BEST4: variants seen among roughly 807,000 people sequenced by gnomAD.
BEST4 encodes bestrophin 4, also known as bestrophin-4.
Under a neutral mutation model 47.1 loss-of-function variants are expected in BEST4, and 36 were observed. The ratio of observed to expected loss-of-function variants is 0.76; its 90% CI spans 0.59 to 1.01. The LOEUF is 1.01. Ranked by LOEUF, BEST4 falls within the 50% of genes least tolerant of loss-of-function variation. The probability of loss-of-function intolerance (pLI) is 0.00; values close to 1 mark genes in which losing one functional copy is unlikely to be tolerated. For synonymous variants in BEST4, 250 were observed against 277.8 expected (o/e 0.90, Z 1.00); for missense variants, 550 against 648.6 (o/e 0.85, Z 1.65).
chr1:44,789,130 C>T (rs1257916220), upstream of BEST4, among the ~76,000 whole-genome samples: 1 of 150,904 alleles, frequency 6.6e-6, no homozygotes, highest in Non-Finnish European at 1.5e-5. Flanking sequence ...GTGGCACGAA[C>T]TTGTAATCCC....
chr1:44,786,298 T>G lies in BEST4; in HGVS notation c.482-70A>C. ...CAGGGGAGGCTGCTGTTCCGCCGTC[T>G]GGCTCCCCTCCCTCGCGTCCACCGG... On this transcript the variant is annotated intron_variant, in intron 3 of 8. Coordinates refer to ENST00000372207, the MANE Select transcript of BEST4 (RefSeq NM_153274.3). The surrounding 1 kb of genome is among the most constrained non-coding windows in gnomAD (Gnocchi z 4.9). 4 of 1,521,768 alleles carry G rather than the reference T, an allele frequency of 2.6e-6. No individual in the cohort carries two copies. Among genetic ancestry groups the G allele is most frequent in the Non-Finnish European group, 2.7e-6 (3 of 1,130,460 alleles). 94.3% of individuals were successfully genotyped at this position (1,521,768 alleles called of 1,614,324 possible).
downstream of BEST4, among the ~76,000 whole-genome samples, chr1:44,782,148 T>C (rs1250265196): frequency 1.3e-5 from 2 of 151,294 alleles, no homozygotes; most frequent in Non-Finnish European, 2.9e-5. Context: ...GTTCTTTCTC[T>C]AAAGTCTTGA....
In BEST4 at chr1:44,786,009, A is replaced by C; in HGVS notation, c.636+65T>G. 1 of 1,525,600 alleles carries C rather than the reference A, an allele frequency of 6.6e-7. No individual in the cohort carries two copies. The highest frequency in any genetic ancestry group is 2.3e-5 in the East Asian group (1 of 44,026). 94.5% of individuals were successfully genotyped at this position (1,525,600 alleles called of 1,614,324 possible). A position where few individuals can be genotyped will look rare whatever the true frequency, so the allele number is the denominator to read the frequency against. ...ATGCCATACAACTGTTAGGTATTAA[A>C]ATTATTATTCATCTTTAAAATTAGA... On this transcript the variant is annotated intron_variant, in intron 4 of 8. Coordinates refer to ENST00000372207, the MANE Select transcript of BEST4 (RefSeq NM_153274.3). The surrounding 1 kb of genome is among the most constrained non-coding windows in gnomAD (Gnocchi z 4.9).
intron 5 of BEST4, 108 bp from the exon 6 acceptor site, chr1:44,785,413 T>A: frequency 7.7e-7 from 1 of 1,303,134 alleles, no homozygotes; most frequent in Admixed American, 2.6e-5. Context: ...CAAACATGTA[T>A]CCTGGTGTGG....
rs1651229036 is a variant in BEST4 at position 44,786,294 on chromosome 1, C to T, written c.482-66G>A. 2.0e-6 allele frequency: 3 copies of T among 1,527,724 alleles called. No homozygotes were observed. The highest frequency in any genetic ancestry group is 1.4e-5 in the African/African-American group (1 of 72,416). The allele number at this position is 1,527,724 out of a possible 1,614,324, so 94.6% of individuals were successfully genotyped here. A position where few individuals can be genotyped will look rare whatever the true frequency, so the allele number is the denominator to read the frequency against. ...CCGCCAGGGGAGGCTGCTGTTCCGC[C>T]GTCTGGCTCCCCTCCCTCGCGTCCA... On this transcript the variant is annotated intron_variant, in intron 3 of 8. Transcript: ENST00000372207. The surrounding 1 kb of genome is among the most constrained non-coding windows in gnomAD (Gnocchi z 4.9).
chr1:44,790,450 G>A (rs1195928411), upstream of BEST4, among the ~76,000 whole-genome samples: 1 of 152,030 alleles, frequency 6.6e-6, no homozygotes, highest in Admixed American at 6.6e-5. Flanking sequence ...TCAAGATGTG[G>A]CTCAGAGCAC....
Position 44,784,115 on chromosome 1 carries a change from G to A in BEST4, c.*95C>T, listed in dbSNP as rs1024890318. The A allele has an allele frequency of 3.8e-5, 46 of 1,220,298 alleles. No homozygotes were observed. Among genetic ancestry groups the A allele is most frequent in the Admixed American group, 1.2e-4 (3 of 24,442 alleles). 75.6% of individuals were successfully genotyped at this position (1,220,298 alleles called of 1,614,324 possible). A position where few individuals can be genotyped will look rare whatever the true frequency, so the allele number is the denominator to read the frequency against. On this transcript the variant is annotated 3_prime_UTR_variant, in exon 9 of 9. Transcript: ENST00000372207. This position sits in a 1 kb window ranked among gnomAD's most constrained non-coding sequence, Gnocchi z 6.2. Reference sequence around the variant, plus strand: ...AATGCTCTGGCCTTCAAGGCACACAGGAAAAGCTGCTCTAATAGAGCTGGC... The same window carrying A: ...AATGCTCTGGCCTTCAAGGCACACAAGAAAAGCTGCTCTAATAGAGCTGGC...
At position 44,786,679 on chromosome 1, in the gene BEST4, CGA is replaced by C; in HGVS notation, c.263_264del (p.Leu88ArgfsTer25). ...LSFVLGFYVT[L>X]VVNRWWSQYT... Reference sequence around the variant, plus strand: ...TACTGGGACCACCAGCGGTTCACCACGAGAGTCACATAGAAACCTGCTTGGCC... The same window carrying C: ...TACTGGGACCACCAGCGGTTCACCACGAGTCACATAGAAACCTGCTTGGCC... On this transcript the variant is annotated frameshift_variant, in exon 3 of 9. Coordinates refer to ENST00000372207, the MANE Select transcript of BEST4 (RefSeq NM_153274.3). LOFTEE classifies it high-confidence loss of function. This position sits in a 1 kb window ranked among gnomAD's most constrained non-coding sequence, Gnocchi z 4.9. 5 of 1,551,152 alleles carry C rather than the reference CGA, an allele frequency of 3.2e-6. No individual in the cohort carries two copies. The East Asian group carries it at 9.8e-5, about 30-fold the overall frequency.
upstream of BEST4, among the ~76,000 whole-genome samples, chr1:44,789,622 T>C (rs1054894527): frequency 1.3e-5 from 2 of 151,930 alleles, no homozygotes; most frequent in African/African-American, 4.8e-5. Flanking sequence ...CGCTTGAACC[T>C]GGGAGGTGGA....
rs375394601 is a variant in BEST4, at chr1:44,787,742, G to A, written c.-37C>T. On this transcript the variant is annotated 5_prime_UTR_variant, in exon 1 of 9. Coordinates refer to ENST00000372207, the MANE Select transcript of BEST4 (RefSeq NM_153274.3). ...CCTGGGGCAGGAGGTCACAAGAGTT[G>A]CCCCCAGGGCTGTCGTTTAGTTCTC... The A allele has an allele frequency of 2.5e-6, 4 of 1,611,888 alleles. No individual in the cohort carries two copies. Among genetic ancestry groups the A allele is most frequent in the Non-Finnish European group, 3.4e-6 (4 of 1,179,274 alleles).
chr1:44,786,437 C>T lies in BEST4; in HGVS notation c.481+26G>A. ...CTGCATCCGGCTGTGGGCCGGACCC[C>T]CAGAGGCTCCCGGCGGGCGGCGCAC... On this transcript the variant is annotated intron_variant, in intron 3 of 8. Coordinates refer to ENST00000372207, the MANE Select transcript of BEST4 (RefSeq NM_153274.3). The surrounding 1 kb of genome is among the most constrained non-coding windows in gnomAD (Gnocchi z 4.9). 2 of 1,493,278 alleles carry T rather than the reference C, an allele frequency of 1.3e-6. No individual in the cohort carries two copies. Among genetic ancestry groups the T allele is most frequent in the South Asian group, 2.6e-5 (2 of 77,446 alleles). The allele number at this position is 1,493,278 out of a possible 1,614,324, so 92.5% of individuals were successfully genotyped here. A position where few individuals can be genotyped will look rare whatever the true frequency, so the allele number is the denominator to read the frequency against.
chr1:44,792,018 G>A (rs964183550), upstream of BEST4, among the ~76,000 whole-genome samples: 6 of 152,122 alleles, frequency 3.9e-5, no homozygotes, highest in South Asian at 2.1e-4. Context: ...CGAGGCAGGC[G>A]GATCACCTGA....
Position 44,784,601 on chromosome 1 carries a change from C to G in BEST4, c.1148+28G>C. On this transcript the variant is annotated intron_variant, in intron 8 of 8. Coordinates refer to ENST00000372207, the MANE Select transcript of BEST4 (RefSeq NM_153274.3). This position sits in a 1 kb window ranked among gnomAD's most constrained non-coding sequence, Gnocchi z 6.2. The stretch of plus-strand genomic sequence containing the variant: ...AGAGGCTGAGCGAGGACCCGCGTGC[C>G]GGGTCAGGCCCAGTGCAAGCCACTC... The G allele has an allele frequency of 6.2e-7, 1 of 1,603,134 alleles. No individual in the cohort carries two copies. Among genetic ancestry groups the G allele is most frequent in the Non-Finnish European group, 8.5e-7 (1 of 1,175,700 alleles).
upstream of BEST4, among the ~76,000 whole-genome samples, chr1:44,790,002 C>G (rs768568823): frequency 3.3e-5 from 5 of 152,260 alleles, no homozygotes; most frequent in Non-Finnish European, 5.9e-5. Flanking sequence ...CCTAATCTCT[C>G]TGAACCTCAG....
downstream of BEST4, among the ~76,000 whole-genome samples, chr1:44,783,075 C>T (rs922328307): frequency 6.6e-6 from 1 of 152,086 alleles, no homozygotes; most frequent in Non-Finnish European, 1.5e-5. Context: ...GTGCCTCAGC[C>T]TCCCAAGAAG....
At chr1:44,785,342 G>A (rs1478237252) in intron 5 of BEST4, 37 bp from the exon 6 acceptor site, 4 of 1,531,316 alleles carry the variant, frequency 2.6e-6, no homozygotes, top group Non-Finnish European at 3.5e-6. Context: ...GCAGGATGCA[G>A]CGGGCCAAGG....
At position 44,784,594 on chromosome 1, in the gene BEST4, C is replaced by A; in HGVS notation, c.1148+35G>T. The stretch of plus-strand genomic sequence containing the variant: ...GTGCCCCAGAGGCTGAGCGAGGACC[C>A]GCGTGCCGGGTCAGGCCCAGTGCAA... On this transcript the variant is annotated intron_variant, in intron 8 of 8. Coordinates refer to ENST00000372207, the MANE Select transcript of BEST4 (RefSeq NM_153274.3). This position sits in a 1 kb window ranked among gnomAD's most constrained non-coding sequence, Gnocchi z 6.2. The A allele has an allele frequency of 1.3e-6, 2 of 1,596,198 alleles. No homozygotes were observed. The highest frequency in any genetic ancestry group is 1.8e-5 in the Admixed American group (1 of 56,352).
upstream of BEST4, among the ~76,000 whole-genome samples, chr1:44,790,228 G>A (rs1023645422): frequency 2.0e-5 from 3 of 152,118 alleles, no homozygotes; most frequent in Admixed American, 6.6e-5. Flanking sequence ...AAATGAGGAG[G>A]CAGAGACCTT....
Position 44,784,781 on chromosome 1 carries a change from C to A in BEST4, c.996G>T (p.Val332=), listed in dbSNP as rs758614240. The A allele has an allele frequency of 6.3e-7, 1 of 1,591,646 alleles. No individual in the cohort carries two copies. Among genetic ancestry groups the A allele is most frequent in the South Asian group, 1.1e-5 (1 of 87,326 alleles). The part of the protein sequence containing the change: ...TNQLIDRNLQ[V]SLLSVDEMYQ... ...ACATTTCGTCCACGGATAGCAGGGA[C>A]ACCTGGGCCACCAGCAAGTTACAAG... is the stretch of plus-strand genomic sequence containing the variant. The change falls in exon 8 of 9, where the codon GTG becomes GTT. Residue 332 remains valine (V), a splice_region_variant and synonymous_variant. Coordinates refer to ENST00000372207, the MANE Select transcript of BEST4 (RefSeq NM_153274.3). This position sits in a 1 kb window ranked among gnomAD's most constrained non-coding sequence, Gnocchi z 6.2.
Sources: gnomAD v4.1 joint callset for allele counts (sites outside exome capture counted in the v4.1 genomes callset) on GRCh38, gnomAD v4.1.1 for gene constraint, Gnocchi (gnomAD v3.1) non-coding constraint, MANE v1.5 for transcripts, NCBI Gene and HGNC (gene_info 2026-07-23, HGNC 2026-07-21) for gene names.